The following ENTREP2 variants were observed in gnomAD, a reference collection of about 807,000 sequenced individuals.
The protein encoded by ENTREP2 is endosomal transmembrane epsin interactor 2.
the ENTREP2 span, among the ~76,000 whole-genome samples, chr15:29,504,524 C>T: frequency 1.3e-5 from 2 of 152,194 alleles, no homozygotes; most frequent in East Asian, 1.9e-4. Flanking sequence ...GAAAAGGACA[C>T]GAGAGACTGT....
chr15:29,230,813 T>G, the ENTREP2 span, among the ~76,000 whole-genome samples: 1 of 152,090 alleles, frequency 6.6e-6, no homozygotes, highest in Non-Finnish European at 1.5e-5. Context: ...AACCAAGTCA[T>G]GTAGGGTTTG....
chr15:29,123,046 A>C, the ENTREP2 span: 1 of 379,324 alleles, frequency 2.6e-6, no homozygotes, highest in East Asian at 4.2e-5. Context: ...TGCTCAGTTC[A>C]AGGTGCTGCA....
At chr15:29,503,600 C>A in the ENTREP2 span, among the ~76,000 whole-genome samples, 1 of 152,174 alleles carries the variant, frequency 6.6e-6, no homozygotes, top group East Asian at 1.9e-4. Context: ...GTGAATAATA[C>A]CTCAATAATT....
the ENTREP2 span, among the ~76,000 whole-genome samples, chr15:29,474,360 G>C: frequency 2.0e-5 from 3 of 152,160 alleles, no homozygotes; most frequent in Non-Finnish European, 4.4e-5. Context: ...GGGGCCCTGA[G>C]ATGACAGTTC....
the ENTREP2 span, among the ~76,000 whole-genome samples, chr15:29,623,112 G>A: frequency 6.6e-6 from 1 of 152,208 alleles, no homozygotes; most frequent in Admixed American, 6.5e-5. Flanking sequence ...ATGGGAGAAG[G>A]TGAAGAATGA....
At chr15:29,425,828 C>G in the ENTREP2 span, among the ~76,000 whole-genome samples, 1 of 151,916 alleles carries the variant, frequency 6.6e-6, no homozygotes, top group East Asian at 1.9e-4. Flanking sequence ...TGCAACATGG[C>G]AAAATTTTCT....
the ENTREP2 span, chr15:29,233,796 C>A: frequency 1.3e-6 from 2 of 1,563,506 alleles, no homozygotes; most frequent in South Asian, 1.1e-5. Flanking sequence ...GATGCCTCAA[C>A]AGACTGCCTT....
chr15:29,376,895 C>T, the ENTREP2 span: 1 of 152,320 alleles, frequency 6.6e-6, no homozygotes, highest in South Asian at 2.1e-4. Context: ...CATGCCTGTA[C>T]TCAGCCAGCC....
the ENTREP2 span, among the ~76,000 whole-genome samples, chr15:29,250,527 C>T: frequency 1.6e-4 from 24 of 152,242 alleles, no homozygotes; most frequent in East Asian, 9.7e-4. Context: ...TGTGGGAAAA[C>T]GGTCTGAGAT....
chr15:29,443,771 G>A, the ENTREP2 span, among the ~76,000 whole-genome samples: 5 of 152,134 alleles, frequency 3.3e-5, no homozygotes, highest in East Asian at 3.9e-4. Context: ...TTACATCCTC[G>A]GAGGCTTTGA....
At chr15:29,660,707 T>A in the ENTREP2 span, among the ~76,000 whole-genome samples, 1 of 152,252 alleles carries the variant, frequency 6.6e-6, no homozygotes. Context: ...GAAAAGTAGT[T>A]TTAAAGTAGC....
chr15:29,581,000 C>T, the ENTREP2 span, among the ~76,000 whole-genome samples: 8 of 152,180 alleles, frequency 5.3e-5, no homozygotes, highest in East Asian at 3.9e-4. Flanking sequence ...AGTAAGACCT[C>T]GCACCAGACC....
the ENTREP2 span, among the ~76,000 whole-genome samples, chr15:29,444,219 AAAGAAAG>A: frequency 1.3e-5 from 2 of 149,834 alleles, no homozygotes; most frequent in African/African-American, 2.5e-5. Flanking sequence ...AGAAAGAAAG[AAAGAAAG>A]AAAGAAAGAA....
chr15:29,136,895 G>A, the ENTREP2 span: 142 of 776,390 alleles, frequency 1.8e-4, no homozygotes, highest in African/African-American at 2.3e-3. Context: ...GGGGAACGCT[G>A]TATGTCTAAG....
chr15:29,118,937 C>T, the ENTREP2 span, among the ~76,000 whole-genome samples: 1 of 152,204 alleles, frequency 6.6e-6, no homozygotes, highest in African/African-American at 2.4e-5. Flanking sequence ...GGGCAGGAGC[C>T]CTCCTCTCTG....
chr15:29,624,871 T>TTGTGTGTGTG, the ENTREP2 span, among the ~76,000 whole-genome samples: 855 of 143,678 alleles, frequency 6.0e-3, 9 homozygotes, highest in African/African-American at 0.019. Context: ...CTGCATTAAT[T>TTGTGTGTGTG]TGTGTGTGTG....
chr15:29,355,516 A>T, the ENTREP2 span, among the ~76,000 whole-genome samples: 1 of 152,128 alleles, frequency 6.6e-6, no homozygotes, highest in African/African-American at 2.4e-5. Flanking sequence ...AAAAAAAAAA[A>T]ACCTCACACT....
At chr15:29,511,389 C>T in the ENTREP2 span, among the ~76,000 whole-genome samples, 7 of 150,132 alleles carry the variant, frequency 4.7e-5, no homozygotes, top group Admixed American at 2.0e-4. Flanking sequence ...TGCCCAGTGG[C>T]GTGATCTTAG....
chr15:29,591,806 T>G, the ENTREP2 span, among the ~76,000 whole-genome samples: 1 of 139,438 alleles, frequency 7.2e-6, no homozygotes, highest in Non-Finnish European at 1.5e-5. Flanking sequence ...CCAGCCTAGG[T>G]GACAGAGTGA....
Sources: allele counts gnomAD v4.1 joint callset (sites outside exome capture counted in the v4.1 genomes callset), GRCh38; gene constraint gnomAD v4.1.1; transcripts MANE v1.5; gene names NCBI Gene and HGNC (gene_info 2026-07-23, HGNC 2026-07-21).